HK1: variants seen among roughly 807,000 people sequenced by gnomAD.
HK1 encodes the protein hexokinase 1.
Under a neutral mutation model 91.6 loss-of-function variants are expected in HK1, and 28 were observed. The ratio of observed to expected loss-of-function variants is 0.31; its 90% confidence interval spans 0.23 to 0.42. HK1 has a LOEUF of 0.42. Among genes scored for constraint, HK1 ranks in the 10% least tolerant of loss-of-function variants. HK1 has a pLI of 1.00. For synonymous variants in HK1, 430 were observed against 468.1 expected (o/e 0.92, Z 1.05); for missense variants, 770 against 1,219.8 (o/e 0.63, Z 5.49).
chr10:69,293,855 CTTTTTTTTTTT>C (rs34434447), intron 3 of HK1, among the ~76,000 whole-genome samples: 1 of 98,982 alleles, frequency 1.0e-5, no homozygotes, highest in African/African-American at 4.1e-5. Context: ...ATATTTCTTT[CTTTTTTTTTTT>C]TTTTTTTTTT....
intron 2 of HK1, among the ~76,000 whole-genome samples, chr10:69,354,501 C>CTCACTA (rs1849034517): frequency 6.6e-6 from 1 of 152,158 alleles, no homozygotes; most frequent in Admixed American, 6.5e-5. Flanking sequence ...TGAGAACCCA[C>CTCACTA]TCACTATCAC....
intron 1 of HK1, among the ~76,000 whole-genome samples, chr10:69,319,474 C>T (rs1185606554): frequency 6.6e-6 from 1 of 152,208 alleles, no homozygotes; most frequent in African/African-American, 2.4e-5. Flanking sequence ...GTGTCGGGTG[C>T]CCCGGAGAAG....
intron 1 of HK1, among the ~76,000 whole-genome samples, chr10:69,342,574 G>A (rs1298866678): frequency 6.6e-6 from 1 of 152,240 alleles, no homozygotes; most frequent in African/African-American, 2.4e-5. Flanking sequence ...AGCCACACCT[G>A]CAGAGGGTAG....
intron 1 of HK1, among the ~76,000 whole-genome samples, chr10:69,277,541 C>T (rs1035471956): frequency 4.0e-5 from 6 of 151,688 alleles, no homozygotes; most frequent in Non-Finnish European, 5.9e-5. Context: ...GCACTCCAGC[C>T]CGGGCGACAG....
chr10:69,289,836 G>T (rs760953327), intron 3 of HK1, among the ~76,000 whole-genome samples: 2 of 149,338 alleles, frequency 1.3e-5, no homozygotes, highest in Non-Finnish European at 3.0e-5. Context: ...TCCCAGGCTG[G>T]TGTTGAACTC....
At chr10:69,322,680 C>T (rs1169595833) in intron 1 of HK1, among the ~76,000 whole-genome samples, 1 of 150,692 alleles carries the variant, frequency 6.6e-6, no homozygotes, top group Admixed American at 6.6e-5. Context: ...CACCTGAGGT[C>T]GGGAGTTCGA....
In HK1 at chr10:69,401,320, A is replaced by C. The variant is rs533777683; in HGVS notation, c.*185A>C. On this transcript the variant is annotated 3_prime_UTR_variant, in exon 18 of 18. Coordinates refer to ENST00000359426, the MANE Select transcript of HK1 (RefSeq NM_000188.3). ...GAATAGAGCGTGTGCTGTTGATAAT[A>C]TCTCTCACCCGGATCCCTCCTCACT... 9 of 671,896 alleles carry C rather than the reference A, an allele frequency of 1.3e-5. No homozygotes were observed. Among genetic ancestry groups the C allele is most frequent in the East Asian group, 8.2e-5 (3 of 36,786 alleles). The allele number at this position is 671,896 out of a possible 1,614,324, so 41.6% of individuals were successfully genotyped here. A position where few individuals can be genotyped will look rare whatever the true frequency, so the allele number is the denominator to read the frequency against.
At position 69,377,000 on chromosome 10, in the gene HK1, C is replaced by A. The variant is rs780601228; in HGVS notation, c.942C>A (p.Ala314=). 6.2e-7 allele frequency: 1 copy of A among 1,614,136 alleles called. No individual in the cohort carries two copies. Among genetic ancestry groups the A allele is most frequent in the South Asian group, 1.1e-5 (1 of 91,074 alleles). ...ELVRLILVKM[A]KEGLLFEGRI... is the part of the protein sequence containing the mutation. Reference sequence around the variant, plus strand: ...TTCGACTGATCCTAGTCAAGATGGCCAAGGAGGGCCTCTTATTTGAAGGGC... The same window carrying A: ...TTCGACTGATCCTAGTCAAGATGGCAAAGGAGGGCCTCTTATTTGAAGGGC... Residue 314 remains alanine, a synonymous_variant, in exon 8 of 18, where the codon GCC becomes GCA. Coordinates refer to ENST00000359426, the MANE Select transcript of HK1 (RefSeq NM_000188.3).
intron 1 of HK1, chr10:69,338,231 T>C (rs1848098420): frequency 9.0e-7 from 1 of 1,110,612 alleles, no homozygotes; most frequent in Admixed American, 4.0e-5. Flanking sequence ...GCAGCCGGTC[T>C]GGCTACCCTC....
chr10:69,364,736 G>A, intron 3 of HK1, 47 bp from the exon 4 acceptor site: 2 of 1,612,558 alleles, frequency 1.2e-6, no homozygotes, highest in South Asian at 2.2e-5. Flanking sequence ...TCTATGAAAT[G>A]CTAAGCCTGC....
At chr10:69,362,831 GA>G (rs1471141982) in intron 3 of HK1, among the ~76,000 whole-genome samples, 4 of 152,224 alleles carry the variant, frequency 2.6e-5, no homozygotes, top group Non-Finnish European at 5.9e-5. Context: ...TAGGTCGCAG[GA>G]AGCTTAGCCG....
chr10:69,391,582 C>A (rs1296289014), intron 14 of HK1, among the ~76,000 whole-genome samples: 5 of 152,234 alleles, frequency 3.3e-5, no homozygotes, highest in African/African-American at 1.2e-4. Context: ...GCGGAGGTTG[C>A]AGTGAGCCAA....
upstream of HK1, among the ~76,000 whole-genome samples, chr10:69,313,629 C>G (rs111272763): frequency 0.026 from 3,996 of 151,846 alleles, 162 homozygotes; most frequent in African/African-American, 0.091. Context: ...TGCTGAGTAG[C>G]TGGGATTACA....
At chr10:69,328,563 C>A (rs1008367120) in intron 1 of HK1, among the ~76,000 whole-genome samples, 1 of 152,156 alleles carries the variant, frequency 6.6e-6, no homozygotes, top group African/African-American at 2.4e-5. Context: ...ACGGTGAGGC[C>A]CAGATAGTGA....
chr10:69,304,507 C>T (rs111572717), intron 5 of HK1, among the ~76,000 whole-genome samples: 3 of 152,212 alleles, frequency 2.0e-5, no homozygotes, highest in African/African-American at 7.2e-5. Flanking sequence ...AGCGTTTCAC[C>T]ATGTTGGCCA....
chr10:69,313,738 G>A (rs747046358), upstream of HK1, among the ~76,000 whole-genome samples: 11 of 152,012 alleles, frequency 7.2e-5, no homozygotes, highest in Non-Finnish European at 8.8e-5. Context: ...CAGATGATCC[G>A]TCTGCCTCAG....
rs531225251 is a variant in HK1 at position 69,376,863 on chromosome 10, A to T, written c.876-71A>T. 57 of 1,587,104 alleles carry T rather than the reference A, an allele frequency of 3.6e-5. No homozygotes were observed. The East Asian group carries it at 1.2e-3, about 33-fold the overall frequency. ...TGAGTCGGGGCTTCCCATTCCTTTT[A>T]TGTCTGTCCCAGCCCTCGTGTGTGG... On this transcript the variant is annotated intron_variant, in intron 7 of 17. Coordinates refer to ENST00000359426, the MANE Select transcript of HK1 (RefSeq NM_000188.3).
In HK1 at chr10:69,276,138, T is replaced by TATATATATATATATATATATAC. The variant is rs753204633; in HGVS notation, c.-391+6031_-391+6032insTATATATATATATATATATACA. Among the ~76,000 whole-genome samples the TATATATATATATATATATATAC allele has an allele frequency of 1.2e-3, 88 of 76,382 alleles. 2 individuals are homozygous for TATATATATATATATATATATAC. The highest frequency in any genetic ancestry group is 8.5e-3 in the East Asian group (11 of 1,290). The allele number at this position is 76,382 out of a possible 152,430, so 50.1% of individuals were successfully genotyped here. A position where few individuals can be genotyped will look rare whatever the true frequency, so the allele number is the denominator to read the frequency against. ...AAAAAAATACATATATATATATATA[T>TATATATATATATATATATATAC]ACACATATATATATTCTATATTAAA... On this transcript the variant is annotated intron_variant, in intron 1 of 21. Transcript: ENST00000360289.
intron 11 of HK1, 103 bp from the exon 12 acceptor site, chr10:69,384,693 G>A: frequency 3.3e-6 from 5 of 1,504,012 alleles, no homozygotes; most frequent in Non-Finnish European, 4.6e-6. Context: ...TGTGTGTGGG[G>A]TGTGTTTTCC....
Sources: allele counts gnomAD v4.1 joint callset (sites outside exome capture counted in the v4.1 genomes callset), GRCh38; gene constraint gnomAD v4.1.1; transcripts MANE v1.5; gene names NCBI Gene and HGNC (gene_info 2026-07-23, HGNC 2026-07-21).